Variants in CSMD1 observed in about 807,000 individuals in gnomAD.
CSMD1 encodes CUB and sushi domain-containing protein 1.
A neutral mutation model predicts 417.5 loss-of-function variants in CSMD1; 213 were observed. The observed-to-expected ratio is 0.51, with a 90% confidence interval of 0.46 to 0.57. The LOEUF (loss-of-function observed/expected upper bound fraction) is 0.57, where lower values mean the gene tolerates loss of function less well. Among genes scored for constraint, CSMD1 ranks in the 20% least tolerant of loss-of-function variants. CSMD1 has a pLI of 0.00. For synonymous variants in CSMD1, 2,862 were observed against 1,736.8 expected (o/e 1.65, Z -16.11); for missense variants, 6,923 against 4,529.7 (o/e 1.53, Z -15.17).
chr8:4,325,987 G>C (rs1458949985), intron 3 of CSMD1, among the ~76,000 whole-genome samples: 4 of 152,052 alleles, frequency 2.6e-5, no homozygotes, highest in African/African-American at 4.8e-5. Context: ...CCTTCACCTG[G>C]GGTACGAACT....
chr8:3,884,062 T>A (rs1291649428), intron 5 of CSMD1, among the ~76,000 whole-genome samples: 1 of 152,190 alleles, frequency 6.6e-6, no homozygotes, highest in African/African-American at 2.4e-5. Context: ...CTATCAGTGT[T>A]TCAAAATCAT....
intron 50 of CSMD1, among the ~76,000 whole-genome samples, chr8:3,035,250 G>C (rs982778932): frequency 1.3e-5 from 2 of 152,190 alleles, no homozygotes; most frequent in East Asian, 1.9e-4. Context: ...GCTGCTCCCA[G>C]AGACGCGCAT....
At chr8:3,955,459 A>C (rs1172198124) in intron 5 of CSMD1, among the ~76,000 whole-genome samples, 1 of 152,164 alleles carries the variant, frequency 6.6e-6, no homozygotes, top group Non-Finnish European at 1.5e-5. Flanking sequence ...TGTAGAAATA[A>C]AGTAGAATTT....
chr8:3,058,180 C>G (rs1335142045), intron 49 of CSMD1, among the ~76,000 whole-genome samples: 3 of 152,164 alleles, frequency 2.0e-5, no homozygotes, highest in East Asian at 1.9e-4. Flanking sequence ...TGTAATTTAG[C>G]AAATATTTAT....
intron 1 of CSMD1, among the ~76,000 whole-genome samples, chr8:4,692,479 T>G (rs1806831026): frequency 6.6e-6 from 1 of 151,496 alleles, no homozygotes; most frequent in African/African-American, 2.4e-5. Flanking sequence ...CACATGGGAG[T>G]TGAAGGGGTT....
intron 11 of CSMD1, among the ~76,000 whole-genome samples, chr8:3,480,241 A>G (rs1193526579): frequency 6.6e-6 from 1 of 152,206 alleles, no homozygotes; most frequent in Non-Finnish European, 1.5e-5. Context: ...ACACACCTGT[A>G]GTCCCTACTA....
At chr8:4,070,623 C>G (rs1346924803) in intron 3 of CSMD1, among the ~76,000 whole-genome samples, 1 of 152,138 alleles carries the variant, frequency 6.6e-6, no homozygotes, top group Non-Finnish European at 1.5e-5. Context: ...TCCCAAAGTG[C>G]TGGGATTACA....
At chr8:3,668,862 C>T (rs553141234) in intron 7 of CSMD1, among the ~76,000 whole-genome samples, 2 of 152,288 alleles carry the variant, frequency 1.3e-5, no homozygotes, top group Admixed American at 6.5e-5. Context: ...TTATATTGCT[C>T]TGGTGGCTAT....
intron 3 of CSMD1, among the ~76,000 whole-genome samples, chr8:4,100,912 G>A (rs1801270942): frequency 6.6e-6 from 1 of 152,190 alleles, no homozygotes; most frequent in Non-Finnish European, 1.5e-5. Flanking sequence ...ACAGAAAGTG[G>A]TGTATATGAA....
At chr8:3,227,210 C>G (rs1798559913) in intron 27 of CSMD1, among the ~76,000 whole-genome samples, 1 of 151,956 alleles carries the variant, frequency 6.6e-6, no homozygotes, top group Non-Finnish European at 1.5e-5. Context: ...ACCAGCCTGG[C>G]CAACATAGTG....
intron 1 of CSMD1, among the ~76,000 whole-genome samples, chr8:4,814,292 C>A (rs553382621): frequency 1.3e-5 from 2 of 152,106 alleles, no homozygotes; most frequent in African/African-American, 4.8e-5. Context: ...AATGGCCAGG[C>A]TGGAGCGCAA....
intron 10 of CSMD1, among the ~76,000 whole-genome samples, chr8:3,494,835 T>A (rs1382311452): frequency 6.6e-6 from 1 of 152,084 alleles, no homozygotes; most frequent in African/African-American, 2.4e-5. Flanking sequence ...AAACAGAAAT[T>A]CTGAAATAGC....
intron 23 of CSMD1, among the ~76,000 whole-genome samples, chr8:3,326,512 C>A (rs550363055): frequency 1.3e-5 from 2 of 152,178 alleles, no homozygotes; most frequent in Non-Finnish European, 2.9e-5. Context: ...AATGTTGTCA[C>A]GTTTGGCCCC....
chr8:4,382,391 C>G (rs904056316), intron 3 of CSMD1, among the ~76,000 whole-genome samples: 31 of 152,290 alleles, frequency 2.0e-4, no homozygotes, highest in African/African-American at 7.2e-4. Context: ...CGGAGAGGAG[C>G]GCATGGTCAA....
chr8:4,204,490 A>C (rs1028696277), intron 3 of CSMD1, among the ~76,000 whole-genome samples: 1 of 152,192 alleles, frequency 6.6e-6, no homozygotes, highest in Admixed American at 6.5e-5. Context: ...AGATTGTAAA[A>C]TAAACCAGAT....
chr8:3,139,690 T>C lies in CSMD1; in HGVS notation c.6241+2775A>G, dbSNP rs568278929. ...GTCCAAGGTACATTAAAATTATAAA[T>C]AGATATGTACGTGTGTATGTGTGTG... On this transcript the variant is annotated intron_variant, in intron 41 of 69. Transcript: ENST00000635120. Among the ~76,000 whole-genome samples, 40 of 152,148 alleles carry C rather than the reference T, an allele frequency of 2.6e-4. 2 individuals carry two copies. Among genetic ancestry groups the C allele is most frequent in the Admixed American group, 2.6e-3 (40 of 15,286 alleles).
chr8:3,365,157 G>A (rs764919640), intron 20 of CSMD1, among the ~76,000 whole-genome samples: 2 of 152,294 alleles, frequency 1.3e-5, no homozygotes, highest in East Asian at 1.9e-4. Context: ...AGGAATTAGT[G>A]TTGGGAAGAT....
intron 3 of CSMD1, among the ~76,000 whole-genome samples, chr8:4,105,347 TA>T (rs2130891848): frequency 6.6e-6 from 1 of 152,204 alleles, no homozygotes; most frequent in East Asian, 1.9e-4. Flanking sequence ...ATTTTTTTTT[TA>T]TGTTTATATG....
At chr8:4,754,628 G>A (rs1357581631) in intron 1 of CSMD1, among the ~76,000 whole-genome samples, 2 of 151,894 alleles carry the variant, frequency 1.3e-5, no homozygotes, top group Admixed American at 6.6e-5. Flanking sequence ...GAGGTGGGTG[G>A]ATCATGAGGT....
Sources: gnomAD v4.1 joint callset for allele counts (sites outside exome capture counted in the v4.1 genomes callset) on GRCh38, gnomAD v4.1.1 for gene constraint, MANE v1.5 for transcripts, NCBI Gene and HGNC (gene_info 2026-07-23, HGNC 2026-07-21) for gene names.